BRD8: variants seen among roughly 807,000 people sequenced by gnomAD.
BRD8 encodes the protein bromodomain-containing protein 8.
Under a neutral mutation model 143.1 loss-of-function variants are expected in BRD8, and 67 were observed. The ratio of observed to expected loss-of-function variants is 0.47; its 90% CI spans 0.38 to 0.57. BRD8 has a LOEUF of 0.57. Ranked by LOEUF, BRD8 falls within the 20% of genes least tolerant of loss-of-function variation. The probability of loss-of-function intolerance (pLI) is 0.00; values close to 1 mark genes in which losing one functional copy is unlikely to be tolerated. For missense variants in BRD8, 1,103 were observed against 1,503.0 expected, an observed-to-expected ratio of 0.73 and a Z score of 4.40; for synonymous variants, 505 against 517.1, an observed-to-expected ratio of 0.98 and a Z score of 0.32.
chr5:138,164,775 A>G lies in BRD8; in HGVS notation c.1670T>C (p.Val557Ala), dbSNP rs1165545699. 6.2e-7 allele frequency: 1 copy of G among 1,614,076 alleles called. No homozygotes were observed. The highest frequency in any genetic ancestry group is 8.5e-7 in the Non-Finnish European group (1 of 1,180,048). Reference sequence around the variant, plus strand: ...TTTCCCAATGGCAACATCTGCTTCAACAATCTCTCCAGCTGCAGTACTTCC... The same window carrying G: ...TTTCCCAATGGCAACATCTGCTTCAGCAATCTCTCCAGCTGCAGTACTTCC... ...ELGSTAAGEIVEADVAIGKGD... is the reference protein window; with the variant it reads ...ELGSTAAGEIAEADVAIGKGD... The change falls in exon 12 of 27, where the codon GTT (valine) becomes GCT (alanine). Residue 557 changes from valine to alanine, a missense_variant. By Grantham distance (64) the Val-to-Ala change is moderately conservative. Around this residue, in one of 7 missense-constraint regions of BRD8, gnomAD observed 139 missense variants for 139.0 expected, o/e 1.00. Coordinates refer to ENST00000254900, the MANE Select transcript of BRD8 (RefSeq NM_139199.2).
chr5:138,165,779 A>C (rs779413797), intron 11 of BRD8, 49 bp downstream of exon 11: 15 of 1,534,818 alleles, frequency 9.8e-6, no homozygotes, highest in Non-Finnish European at 1.2e-5. Context: ...TGAAAAGAGA[A>C]GCCTATGTAG....
At chr5:138,150,343 A>G (rs1752331466) in intron 22 of BRD8, among the ~76,000 whole-genome samples, 1 of 152,152 alleles carries the variant, frequency 6.6e-6, no homozygotes, top group Non-Finnish European at 1.5e-5. Context: ...CCTGAGCTCA[A>G]GAGATCCTAC....
chr5:138,156,829 C>T (rs1361184548), intron 20 of BRD8: 2 of 524,796 alleles, frequency 3.8e-6, no homozygotes, highest in Non-Finnish European at 2.4e-6. Context: ...TTCAAATACA[C>T]ACACACACAC....
Position 138,166,571 on chromosome 5 carries a change from A to G in BRD8, c.944T>C (p.Leu315Pro). The G allele has an allele frequency of 6.2e-7, 1 of 1,614,052 alleles. No individual in the cohort carries two copies. The highest frequency in any genetic ancestry group is 8.5e-7 in the Non-Finnish European group (1 of 1,179,980). Reference protein sequence around the residue: ...SQATIVMMPALPAPSSAPAVS... With the variant: ...SQATIVMMPAPPAPSSAPAVS... ...AGCCGGAGCAGAGGATGGTGCTGGCAGCGCAGGCATCATGACAATGGTAGC... is the reference window on the plus strand; with the variant it reads ...AGCCGGAGCAGAGGATGGTGCTGGCGGCGCAGGCATCATGACAATGGTAGC... The change falls in exon 10 of 27, where the codon CTG (leucine) becomes CCG (proline). Residue 315 changes from leucine to proline, a missense_variant. Transcript: ENST00000254900.
At chr5:138,171,298 G>T in intron 4 of BRD8, 63 bp downstream of exon 4, 2 of 1,448,104 alleles carry the variant, frequency 1.4e-6, no homozygotes, top group Non-Finnish European at 9.6e-7. Flanking sequence ...GTATAAACCA[G>T]AATTCCTCAG....
At chr5:138,171,240 A>G (rs1429725355) in intron 4 of BRD8, 80 bp from the exon 5 acceptor site, 2 of 1,447,064 alleles carry the variant, frequency 1.4e-6, no homozygotes, top group Non-Finnish European at 1.9e-6. Flanking sequence ...TTACCACTTA[A>G]TCATAGATAA....
chr5:138,178,551 CG>C (rs1399460501), intron 1 of BRD8, 44 bp downstream of exon 1: 2 of 1,580,046 alleles, frequency 1.3e-6, no homozygotes, highest in Admixed American at 3.3e-5. Context: ...TGCCTAGCCT[CG>C]GATCTACAAA....
chr5:138,175,303 C>T (rs1754231543), intron 2 of BRD8, among the ~76,000 whole-genome samples: 1 of 151,976 alleles, frequency 6.6e-6, no homozygotes, highest in Non-Finnish European at 1.5e-5. Context: ...AAAAAAAATG[C>T]TAGGAAGCAT....
At chr5:138,153,214 CAA>C (rs1752437650) in intron 20 of BRD8, among the ~76,000 whole-genome samples, 1 of 152,180 alleles carries the variant, frequency 6.6e-6, no homozygotes, top group South Asian at 2.1e-4. Context: ...ATTAAACCTT[CAA>C]AACACACTTT....
intron 20 of BRD8, 134 bp downstream of exon 20, chr5:138,159,421 T>C: frequency 1.1e-6 from 1 of 913,258 alleles, no homozygotes; most frequent in Non-Finnish European, 1.7e-6. Context: ...GAGTTTCTTA[T>C]TCAATGACCT....
intron 1 of BRD8, among the ~76,000 whole-genome samples, chr5:138,178,114 T>C (rs1202340905): frequency 6.6e-6 from 1 of 152,074 alleles, no homozygotes; most frequent in Non-Finnish European, 1.5e-5. Context: ...CTACTCCAAA[T>C]GTCGGGGGTA....
chr5:138,170,531 G>A (rs751162016), intron 6 of BRD8, 122 bp from the exon 7 acceptor site: 1 of 1,053,114 alleles, frequency 9.5e-7, no homozygotes, highest in Non-Finnish European at 1.5e-6. Context: ...GCCTAAACAG[G>A]AATTCTAACC....
chr5:138,172,599 G>C, intron 2 of BRD8: 2 of 321,376 alleles, frequency 6.2e-6, no homozygotes, highest in South Asian at 4.7e-5. Flanking sequence ...CAGCACTCTG[G>C]GAGGCAGAGG....
At chr5:138,151,101 G>T in intron 21 of BRD8, 93 bp from the exon 22 acceptor site, 1 of 1,450,360 alleles carries the variant, frequency 6.9e-7, no homozygotes, top group Non-Finnish European at 9.3e-7. Context: ...CTGTCACAGT[G>T]ACTAAGTCTG....
chr5:138,154,772 A>C (rs1221636887), intron 20 of BRD8, among the ~76,000 whole-genome samples: 1 of 152,054 alleles, frequency 6.6e-6, no homozygotes, highest in Admixed American at 6.6e-5. Flanking sequence ...TTAGTTATAA[A>C]GTGATATTCA....
chr5:138,162,955 C>T (rs989083007), intron 15 of BRD8, among the ~76,000 whole-genome samples, 175 bp downstream of exon 15: 2 of 150,814 alleles, frequency 1.3e-5, no homozygotes, highest in Non-Finnish European at 2.9e-5. Flanking sequence ...GAGCTGAGAT[C>T]GCACCACTGC....
intron 23 of BRD8, among the ~76,000 whole-genome samples, chr5:138,148,535 T>A (rs1441634683): frequency 2.6e-5 from 4 of 151,764 alleles, no homozygotes; most frequent in African/African-American, 9.7e-5. Context: ...ACCCAATAAA[T>A]TTTGTTTATT....
intron 23 of BRD8, among the ~76,000 whole-genome samples, chr5:138,147,394 TC>T (rs777541138): frequency 5.2e-4 from 79 of 151,662 alleles, no homozygotes; most frequent in Non-Finnish European, 1.0e-3. Flanking sequence ...GTTTTACCTT[TC>T]CACAGACAAC....
In BRD8 at chr5:138,160,431, C is replaced by G. The variant is rs148219686; in HGVS notation, c.2428-258G>C. 6.2e-3 allele frequency among the ~76,000 whole-genome samples: 945 copies of G among 152,154 alleles called. 19 individuals are homozygous for G. Among genetic ancestry groups the G allele is most frequent in the African/African-American group, 0.022 (918 of 41,516 alleles). The stretch of plus-strand genomic sequence containing the variant: ...TCCAGGAATGAGAAAAATAATAAAA[C>G]TAGAATGAACCAAAGATCATTCAGC... On this transcript the variant is annotated intron_variant, in intron 18 of 26. Transcript: ENST00000254900.
Sources: gnomAD v4.1 joint callset for allele counts (sites outside exome capture counted in the v4.1 genomes callset) on GRCh38, gnomAD v4.1.1 for gene constraint, gnomAD v4.1.1 regional missense constraint, MANE v1.5 for transcripts, NCBI Gene and HGNC (gene_info 2026-07-23, HGNC 2026-07-21) for gene names.